NR3C2: variants seen among roughly 807,000 people sequenced by gnomAD.
NR3C2 encodes the protein mineralocorticoid receptor.
Under a neutral mutation model 86.4 loss-of-function variants are expected in NR3C2, and 15 were observed. That is an observed-to-expected ratio of 0.17 (90% CI 0.12 to 0.27). The LOEUF is 0.27. NR3C2 is among the 10% of genes least tolerant of loss of function. The pLI is 1.00. For missense variants in NR3C2, 960 were observed against 1,195.6 expected, an observed-to-expected ratio of 0.80 and a Z score of 2.91; for synonymous variants, 458 against 450.5, an observed-to-expected ratio of 1.02 and a Z score of -0.21.
chr4:148,440,425 C>T (rs891894999), intron 1 of NR3C2, among the ~76,000 whole-genome samples: 1 of 152,162 alleles, frequency 6.6e-6, no homozygotes, highest in African/African-American at 2.4e-5. Context: ...GAATATGATC[C>T]TCATAGAACT....
chr4:148,390,518 AGGGCAAGGT>A, intron 2 of NR3C2, among the ~76,000 whole-genome samples: 1 of 152,242 alleles, frequency 6.6e-6, no homozygotes, highest in Middle Eastern at 3.4e-3. Flanking sequence ...ACCTGAAAGG[AGGGCAAGGT>A]AGGGCTGCCT....
At chr4:148,320,682 C>T (rs968770748) in intron 2 of NR3C2, among the ~76,000 whole-genome samples, 3 of 151,926 alleles carry the variant, frequency 2.0e-5, no homozygotes, top group Admixed American at 6.6e-5. Flanking sequence ...TTGTAGTATT[C>T]TCTGATGGTA....
intron 3 of NR3C2, among the ~76,000 whole-genome samples, chr4:148,233,988 T>G (rs937929875): frequency 6.6e-6 from 1 of 152,094 alleles, no homozygotes; most frequent in African/African-American, 2.4e-5. Flanking sequence ...AATCTGAAAT[T>G]AACAAATGCA....
chr4:148,308,831 C>CA (rs1742766449), intron 2 of NR3C2, among the ~76,000 whole-genome samples: 1 of 151,884 alleles, frequency 6.6e-6, no homozygotes. Context: ...ACCAAAAATA[C>CA]AAAAAATTAG....
chr4:148,335,962 T>C (rs7680420), intron 2 of NR3C2, among the ~76,000 whole-genome samples: 25,510 of 152,180 alleles, frequency 0.17, 2,547 homozygotes, highest in African/African-American at 0.28. Context: ...CAGTATACTA[T>C]GCAACTGAGA....
At chr4:148,336,804 T>C (rs1744515391) in intron 2 of NR3C2, among the ~76,000 whole-genome samples, 1 of 152,188 alleles carries the variant, frequency 6.6e-6, no homozygotes, top group Non-Finnish European at 1.5e-5. Flanking sequence ...TTTTTTTCTT[T>C]TTCTTTGAGA....
Position 148,091,388 on chromosome 4 carries a change from C to A in NR3C2, c.2800-9889G>T, listed in dbSNP as rs1226797848. ...CAGGGCAGAACCCACAGATGCCTGG[C>A]CCTTAGCAGATGTTTAAGGTAGGGA... On this transcript the variant is annotated intron_variant, in intron 8 of 8. Transcript: ENST00000358102. 2.0e-5 allele frequency among the ~76,000 whole-genome samples: 3 copies of A among 152,212 alleles called. No homozygotes were observed. The East Asian group carries it at 5.8e-4, about 29-fold the overall frequency.
At chr4:148,333,475 C>A (rs760518449) in intron 2 of NR3C2, among the ~76,000 whole-genome samples, 2 of 151,600 alleles carry the variant, frequency 1.3e-5, no homozygotes, top group African/African-American at 2.4e-5. Context: ...AACCATGTGA[C>A]TAAGTTCTAG....
chr4:148,396,489 T>C (rs904794745), intron 2 of NR3C2, among the ~76,000 whole-genome samples: 14 of 152,236 alleles, frequency 9.2e-5, no homozygotes, highest in Non-Finnish European at 1.9e-4. Flanking sequence ...ACTGAAGCTT[T>C]ACTTGAATGT....
At chr4:148,424,132 G>A (rs1749416183) in intron 2 of NR3C2, among the ~76,000 whole-genome samples, 1 of 152,186 alleles carries the variant, frequency 6.6e-6, no homozygotes. Context: ...CAATAAAAAT[G>A]GGCAAGAGTA....
At chr4:148,345,373 T>C (rs112703464) in intron 2 of NR3C2, among the ~76,000 whole-genome samples, 48 of 152,026 alleles carry the variant, frequency 3.2e-4, no homozygotes, top group African/African-American at 1.0e-3. Flanking sequence ...TTCTCTATTG[T>C]AGACAATAAT....
intron 2 of NR3C2, among the ~76,000 whole-genome samples, chr4:148,400,869 G>T (rs1266517497): frequency 6.6e-6 from 1 of 151,788 alleles, no homozygotes; most frequent in Non-Finnish European, 1.5e-5. Flanking sequence ...CAGAATTTTG[G>T]GTTCCTCTAT....
chr4:148,444,773 C>T, upstream of NR3C2: 1 of 984,868 alleles, frequency 1.0e-6, no homozygotes, highest in Non-Finnish European at 1.2e-6. Context: ...CACCCGCCCG[C>T]CCCCAGCGGC....
chr4:148,231,707 T>G (rs1738471649), intron 3 of NR3C2, among the ~76,000 whole-genome samples: 2 of 151,984 alleles, frequency 1.3e-5, no homozygotes, highest in Non-Finnish European at 2.9e-5. Context: ...AAAGATTTAC[T>G]TTTCCTTTCA....
intron 3 of NR3C2, among the ~76,000 whole-genome samples, chr4:148,220,608 C>A (rs1737785462): frequency 6.6e-6 from 1 of 152,132 alleles, no homozygotes; most frequent in Non-Finnish European, 1.5e-5. Context: ...GAGTTTGAGA[C>A]ATGCCTGGGC....
intron 6 of NR3C2, among the ~76,000 whole-genome samples, chr4:148,145,714 C>G (rs1733837208): frequency 6.6e-6 from 1 of 152,144 alleles, no homozygotes. Context: ...GGCTGCAGGC[C>G]TTGGTCCTCT....
intron 8 of NR3C2, among the ~76,000 whole-genome samples, chr4:148,085,535 C>T (rs1730773599): frequency 6.6e-6 from 1 of 152,152 alleles, no homozygotes; most frequent in South Asian, 2.1e-4. Context: ...CCACAGGAGA[C>T]AGCAGGAAGG....
chr4:148,171,085 G>C (rs1735103360), intron 4 of NR3C2, among the ~76,000 whole-genome samples: 1 of 152,180 alleles, frequency 6.6e-6, no homozygotes, highest in Admixed American at 6.5e-5. Context: ...CCGTTAAAAA[G>C]AATATTTGTT....
chr4:148,434,796 G>A (rs1343058240), intron 2 of NR3C2, among the ~76,000 whole-genome samples: 1 of 152,192 alleles, frequency 6.6e-6, no homozygotes, highest in Non-Finnish European at 1.5e-5. Context: ...CTAAATTACT[G>A]TATTTACAAT....
Sources: gnomAD v4.1 joint callset for allele counts (sites outside exome capture counted in the v4.1 genomes callset) on GRCh38, gnomAD v4.1.1 for gene constraint, MANE v1.5 for transcripts, NCBI Gene and HGNC (gene_info 2026-07-23, HGNC 2026-07-21) for gene names.